The following RAB15 variants were observed in gnomAD, a reference collection of about 807,000 sequenced individuals.
RAB15 encodes the protein ras-related protein Rab-15.
A neutral mutation model predicts 31.8 loss-of-function variants in RAB15; 13 were observed. The ratio of observed to expected loss-of-function variants is 0.41; its 90% confidence interval spans 0.27 to 0.65. RAB15 has a LOEUF of 0.65. RAB15 is among the 30% of genes least tolerant of loss of function. The pLI is 0.32. For missense variants in RAB15, 220 were observed against 277.3 expected (o/e 0.79, Z 1.47); for synonymous variants, 100 against 105.6 (o/e 0.95, Z 0.33).
At chr14:64,949,735 AAAAAGAAAG>A (rs1886134444) in intron 5 of RAB15, among the ~76,000 whole-genome samples, 1 of 151,052 alleles carries the variant, frequency 6.6e-6, no homozygotes, top group African/African-American at 2.5e-5. Flanking sequence ...AAAAAAAAAA[AAAAAGAAAG>A]AAAGAAAAAA....
Position 64,958,150 on chromosome 14 carries a change from T to G in RAB15, c.125-5579A>C, listed in dbSNP as rs1886678084. On this transcript the variant is annotated intron_variant, in intron 1 of 6. Transcript: ENST00000533601. The surrounding 1 kb of genome is among the most constrained non-coding windows in gnomAD (Gnocchi z 4.4). ...AGTAGAGACGGGGTTTCACTGACAT[T>G]ATGCGGCATCTAGAAGTGAGGCAGG... 1 of 152,160 alleles carries G rather than the reference T, an allele frequency of 6.6e-6. No individual in the cohort carries two copies. 9.4% of individuals were successfully genotyped at this position (152,160 alleles called of 1,614,324 possible). A position where few individuals can be genotyped will look rare whatever the true frequency, so the allele number is the denominator to read the frequency against.
chr14:64,949,400 C>T (rs1034649440), intron 5 of RAB15, among the ~76,000 whole-genome samples: 6 of 152,188 alleles, frequency 3.9e-5, no homozygotes, highest in Admixed American at 6.5e-5. Context: ...TTGAGGTCCA[C>T]GGACTGAGTG....
chr14:64,949,741 A>G (rs1594932313), intron 5 of RAB15, among the ~76,000 whole-genome samples: 1 of 142,892 alleles, frequency 7.0e-6, no homozygotes, highest in Admixed American at 6.8e-5. Context: ...AAAAAAAAAG[A>G]AAGAAAGAAA....
Position 64,953,861 on chromosome 14 carries a change from G to C in RAB15, c.125-1290C>G. The C allele has an allele frequency of 4.1e-6, 4 of 985,396 alleles. No homozygotes were observed. The allele number at this position is 985,396 out of a possible 1,614,324, so 61.0% of individuals were successfully genotyped here. A position where few individuals can be genotyped will look rare whatever the true frequency, so the allele number is the denominator to read the frequency against. ...ACAGTTTTCAGATGGGAACATGGTA[G>C]AGTTCCGAACCGTCTGCCACCAGCT... On this transcript the variant is annotated intron_variant, in intron 1 of 6. Coordinates refer to ENST00000533601, the MANE Select transcript of RAB15 (RefSeq NM_001308154.2). The surrounding 1 kb of genome is among the most constrained non-coding windows in gnomAD (Gnocchi z 4.6).
chr14:64,966,111 GAA>G (rs1049681870), intron 1 of RAB15, among the ~76,000 whole-genome samples: 1 of 152,140 alleles, frequency 6.6e-6, no homozygotes, highest in African/African-American at 2.4e-5. Context: ...CACTGCCAGG[GAA>G]AGGGGGGTAC....
rs575832953 is a variant in RAB15 at position 64,971,353 on chromosome 14, C to G, written c.124+600G>C. Among the ~76,000 whole-genome samples the G allele has an allele frequency of 4.6e-5, 7 of 152,310 alleles. No homozygotes were observed. Among genetic ancestry groups the G allele is most frequent in the Admixed American group, 1.3e-4 (2 of 15,306 alleles). ...CCATCCTCTTTAGCCTCCCTCAGAA[C>G]AGATGTCTCCTCTTCCCAGGCGCAG... is the stretch of plus-strand genomic sequence containing the variant. On this transcript the variant is annotated intron_variant, in intron 1 of 6. Transcript: ENST00000533601. This position sits in a 1 kb window ranked among gnomAD's most constrained non-coding sequence, Gnocchi z 4.1.
Position 64,945,874 on chromosome 14 carries a change from C to T in RAB15, c.*2480G>A, listed in dbSNP as rs936145530. 2.6e-5 allele frequency: 4 copies of T among 152,534 alleles called. No individual in the cohort carries two copies. The highest frequency in any genetic ancestry group is 9.7e-5 in the African/African-American group (4 of 41,422). 9.4% of individuals were successfully genotyped at this position (152,534 alleles called of 1,614,324 possible). A position where few individuals can be genotyped will look rare whatever the true frequency, so the allele number is the denominator to read the frequency against. ...GTGTTTAAAATAGATGAACCCTGCTCACAATTCATATATGGACCCGAGACA... is the reference window on the plus strand; with the variant it reads ...GTGTTTAAAATAGATGAACCCTGCTTACAATTCATATATGGACCCGAGACA... On this transcript the variant is annotated 3_prime_UTR_variant, in exon 7 of 7. Coordinates refer to ENST00000533601, the MANE Select transcript of RAB15 (RefSeq NM_001308154.2).
chr14:64,967,523 C>T (rs1475162566), intron 1 of RAB15, among the ~76,000 whole-genome samples: 3 of 151,678 alleles, frequency 2.0e-5, no homozygotes, highest in Non-Finnish European at 2.9e-5. Context: ...ATCGAGGCTG[C>T]AGTGAGCCGT....
Position 64,951,153 on chromosome 14 carries a change from T to TGA in RAB15, c.247-4_247-3dup, listed in dbSNP as rs763207972. On this transcript the variant is annotated splice_region_variant and splice_polypyrimidine_tract_variant and intron_variant, in intron 3 of 6. Transcript: ENST00000533601. This position sits in a 1 kb window ranked among gnomAD's most constrained non-coding sequence, Gnocchi z 7.2. ...AATGTCATAGACCAAAAATATCCCC[T>TGA]GAGAGAGAGAGAAATAGAGAGATGT... 16 of 1,608,910 alleles carry TGA rather than the reference T, an allele frequency of 9.9e-6. No homozygotes were observed. The South Asian group carries it at 1.1e-4, about 11-fold the overall frequency.
intron 1 of RAB15, among the ~76,000 whole-genome samples, chr14:64,956,478 C>CA (rs1886574759): frequency 6.6e-6 from 1 of 151,902 alleles, no homozygotes; most frequent in Non-Finnish European, 1.5e-5. Context: ...TTGGGCCTTA[C>CA]CTCAGACCTA....
chr14:64,964,449 G>A (rs1280279794), intron 1 of RAB15, among the ~76,000 whole-genome samples: 1 of 148,178 alleles, frequency 6.7e-6, no homozygotes, highest in Non-Finnish European at 1.5e-5. Flanking sequence ...TTGAACCTGG[G>A]AGGCAGAGGT....
At chr14:64,960,222 C>T (rs1886783053) in intron 1 of RAB15, among the ~76,000 whole-genome samples, 1 of 152,184 alleles carries the variant, frequency 6.6e-6, no homozygotes, top group Admixed American at 6.5e-5. Context: ...ATGCAGCAGG[C>T]GAGACACCCA....
At position 64,968,300 on chromosome 14, in the gene RAB15, G is replaced by C. The variant is rs1022820125; in HGVS notation, c.124+3653C>G. Among the ~76,000 whole-genome samples, 1 of 152,140 alleles carries C rather than the reference G, an allele frequency of 6.6e-6. No individual in the cohort carries two copies. The highest frequency in any genetic ancestry group is 6.6e-5 in the Admixed American group (1 of 15,264). On this transcript the variant is annotated intron_variant, in intron 1 of 6. Transcript: ENST00000533601. The surrounding 1 kb of genome is among the most constrained non-coding windows in gnomAD (Gnocchi z 4.9). ...TCCCACCTCTGTTATCTCTGCTCAT[G>C]TTACTCCATCTGCTCCCTTCTGCTG...
chr14:64,961,564 C>G (rs1334799892), intron 1 of RAB15, among the ~76,000 whole-genome samples: 1 of 152,186 alleles, frequency 6.6e-6, no homozygotes, highest in Non-Finnish European at 1.5e-5. Context: ...AGTAAGGAAT[C>G]TCTAGGGCTC....
chr14:64,950,223 G>A lies in RAB15; in HGVS notation c.414+102C>T, dbSNP rs1886173425. On this transcript the variant is annotated intron_variant, in intron 5 of 6. Coordinates refer to ENST00000533601, the MANE Select transcript of RAB15 (RefSeq NM_001308154.2). The surrounding 1 kb of genome is among the most constrained non-coding windows in gnomAD (Gnocchi z 5.6). ...TTGGGGTGCTGGGGACGTGTGGGAGGACCTGCCACTGGGGAACACACCCCT... is the reference window on the plus strand; with the variant it reads ...TTGGGGTGCTGGGGACGTGTGGGAGAACCTGCCACTGGGGAACACACCCCT... 2 of 935,748 alleles carry A rather than the reference G, an allele frequency of 2.1e-6. No individual in the cohort carries two copies. The allele number at this position is 935,748 out of a possible 1,614,324, so 58.0% of individuals were successfully genotyped here.
In RAB15 at chr14:64,948,382, G is replaced by A. The variant is rs746474278; in HGVS notation, c.611C>T (p.Ala204Val). Reference sequence around the variant, plus strand: ...GCACCAGCAGGTTTTCGAAGAGTTCGCTGGGCCCTCGGGTTTGCCCTCCTC... The same window carrying A: ...GCACCAGCAGGTTTTCGAAGAGTTCACTGGGCCCTCGGGTTTGCCCTCCTC... ...EEEEGKPEGP[A>V]NSSKTCWC Residue 204 changes from alanine to valine, a missense_variant, in exon 7 of 7, where the codon GCG becomes GTG. Coordinates refer to ENST00000533601, the MANE Select transcript of RAB15 (RefSeq NM_001308154.2). This position sits in a 1 kb window ranked among gnomAD's most constrained non-coding sequence, Gnocchi z 7.0. The A allele has an allele frequency of 1.4e-5, 22 of 1,601,458 alleles. No homozygotes were observed. The highest frequency in any genetic ancestry group is 5.1e-5 in the Admixed American group (3 of 58,636).
Position 64,950,159 on chromosome 14 carries a change from GACA to G in RAB15, c.414+163_414+165del, listed in dbSNP as rs997722863. 1.3e-5 allele frequency among the ~76,000 whole-genome samples: 2 copies of G among 152,134 alleles called. No individual in the cohort carries two copies. The highest frequency in any genetic ancestry group is 2.9e-5 in the Non-Finnish European group (2 of 68,008). ...CTCTGGGCTTCTGTCCTGAAACCCAGACAACAAGCCTTCCGAGGATGGCCACTC... is the reference window on the plus strand; with the variant it reads ...CTCTGGGCTTCTGTCCTGAAACCCAGACAAGCCTTCCGAGGATGGCCACTC... On this transcript the variant is annotated intron_variant, in intron 5 of 6. Transcript: ENST00000533601. This position sits in a 1 kb window ranked among gnomAD's most constrained non-coding sequence, Gnocchi z 5.6.
chr14:64,971,969 C>T lies in RAB15; in HGVS notation c.108G>A (p.Ser36=), dbSNP rs1887449646. The T allele has an allele frequency of 6.3e-7, 1 of 1,587,084 alleles. No homozygotes were observed. The highest frequency in any genetic ancestry group is 1.8e-5 in the Admixed American group (1 of 56,438). The change falls in exon 1 of 7, where the codon TCG becomes TCA. Residue 36 remains serine, a synonymous_variant. Coordinates refer to ENST00000533601, the MANE Select transcript of RAB15 (RefSeq NM_001308154.2). The surrounding 1 kb of genome is among the most constrained non-coding windows in gnomAD (Gnocchi z 4.1). ...GCCCCTTACCGATGGTGGAGATGTGCGAGGAGTGGAACTCGTTGTCGGTGA... is the reference window on the plus strand; with the variant it reads ...GCCCCTTACCGATGGTGGAGATGTGTGAGGAGTGGAACTCGTTGTCGGTGA... ...CRFTDNEFHS[S]HISTIGVDFK... is the part of the protein sequence containing the mutation.
rs551314917 is a variant in RAB15 at position 64,972,087 on chromosome 14, A to C, written c.-11T>G. 1.3e-6 allele frequency: 2 copies of C among 1,593,912 alleles called. No individual in the cohort carries two copies. Among genetic ancestry groups the C allele is most frequent in the South Asian group, 2.2e-5 (2 of 89,312 alleles). ...GTACTGCTTCGCCATGACTGGGGCCAGCGGGGCCGGGAACTGCGGGCGGGC... is the reference window on the plus strand; with the variant it reads ...GTACTGCTTCGCCATGACTGGGGCCCGCGGGGCCGGGAACTGCGGGCGGGC... On this transcript the variant is annotated 5_prime_UTR_variant, in exon 1 of 7. Transcript: ENST00000533601. The surrounding 1 kb of genome is among the most constrained non-coding windows in gnomAD (Gnocchi z 6.3).
Sources: gnomAD v4.1 joint callset for allele counts (sites outside exome capture counted in the v4.1 genomes callset) on GRCh38, gnomAD v4.1.1 for gene constraint, Gnocchi (gnomAD v3.1) non-coding constraint, MANE v1.5 for transcripts, NCBI Gene and HGNC (gene_info 2026-07-23, HGNC 2026-07-21) for gene names.